The following SHC4 variants were observed in gnomAD, a reference collection of about 807,000 sequenced individuals.
SHC4 encodes SHC adaptor protein 4, also known as SHC-transforming protein 4.
Under a neutral mutation model 69.4 loss-of-function variants are expected in SHC4, and 41 were observed. The ratio of observed to expected loss-of-function variants is 0.59; its 90% confidence interval spans 0.46 to 0.77. SHC4 has a LOEUF of 0.77. SHC4 is among the 30% of genes least tolerant of loss of function. The pLI is 0.00. For missense variants in SHC4, 777 were observed against 783.8 expected (o/e 0.99, Z 0.10); for synonymous variants, 318 against 299.3 (o/e 1.06, Z -0.64).
Position 48,825,733 on chromosome 15 carries a change from G to T in SHC4, c.*238C>A. ...TATGGCCTTAAAAAGTGACATCCGTGCATACATATAATTTCTTTTAAAATG... is the reference window on the plus strand; with the variant it reads ...TATGGCCTTAAAAAGTGACATCCGTTCATACATATAATTTCTTTTAAAATG... On this transcript the variant is annotated 3_prime_UTR_variant, in exon 12 of 12. Coordinates refer to ENST00000332408, the MANE Select transcript of SHC4 (RefSeq NM_203349.4). 2.2e-6 allele frequency: 1 copy of T among 447,126 alleles called. No homozygotes were observed. The highest frequency in any genetic ancestry group is 3.9e-6 in the Non-Finnish European group (1 of 255,718). The allele number at this position is 447,126 out of a possible 1,614,324, so 27.7% of individuals were successfully genotyped here.
intron 1 of SHC4, among the ~76,000 whole-genome samples, chr15:48,958,387 A>C (rs1901488160): frequency 6.6e-6 from 1 of 152,140 alleles, no homozygotes; most frequent in Non-Finnish European, 1.5e-5. Flanking sequence ...TCAGTCTGCT[A>C]CTTACTAGTT....
intron 2 of SHC4, among the ~76,000 whole-genome samples, chr15:48,897,956 C>G (rs570958022): frequency 6.6e-6 from 1 of 152,298 alleles, no homozygotes; most frequent in South Asian, 2.1e-4. Context: ...CTTTGCATCT[C>G]CAACGTAAGT....
At chr15:48,875,628 C>T (rs1349887659) in intron 4 of SHC4, among the ~76,000 whole-genome samples, 1 of 152,182 alleles carries the variant, frequency 6.6e-6, no homozygotes, top group Non-Finnish European at 1.5e-5. Flanking sequence ...TGAGGATATG[C>T]TATATGCACT....
chr15:48,904,427 G>T (rs1201593167), intron 2 of SHC4, among the ~76,000 whole-genome samples: 3 of 152,172 alleles, frequency 2.0e-5, no homozygotes, highest in South Asian at 2.1e-4. Context: ...GCTAATAGAT[G>T]AAACCATGTT....
intron 6 of SHC4, among the ~76,000 whole-genome samples, chr15:48,861,154 G>A (rs1899432868): frequency 6.6e-6 from 1 of 152,132 alleles, no homozygotes; most frequent in Non-Finnish European, 1.5e-5. Context: ...ATAGAGACAG[G>A]TGTCTCACTA....
At chr15:48,873,602 G>A (rs1450568203) in intron 4 of SHC4, among the ~76,000 whole-genome samples, 1 of 152,124 alleles carries the variant, frequency 6.6e-6, no homozygotes, top group Admixed American at 6.6e-5. Context: ...AAATTAGCTG[G>A]GCGTGGTGGG....
chr15:48,898,900 A>G (rs1279768261), intron 2 of SHC4, among the ~76,000 whole-genome samples: 6 of 152,182 alleles, frequency 3.9e-5, no homozygotes, highest in Non-Finnish European at 7.4e-5. Flanking sequence ...AATTCAAAAG[A>G]TTGTTCTCCT....
intron 4 of SHC4, chr15:48,878,804 G>A: frequency 6.8e-7 from 1 of 1,469,192 alleles, no homozygotes; most frequent in Admixed American, 2.3e-5. Flanking sequence ...CTATCTTTTG[G>A]GTTCATTCCA....
At chr15:48,947,569 A>T (rs991666089) in intron 1 of SHC4, among the ~76,000 whole-genome samples, 1 of 152,226 alleles carries the variant, frequency 6.6e-6, no homozygotes, top group African/African-American at 2.4e-5. Flanking sequence ...TATTTAAAAA[A>T]TACAAGTGAG....
At chr15:48,835,170 T>C (rs1898877379) in intron 10 of SHC4, 148 bp from the exon 11 acceptor site, 1 of 1,080,994 alleles carries the variant, frequency 9.3e-7, no homozygotes, top group Admixed American at 2.9e-5. Context: ...AATGAGGTTT[T>C]TGTTTTCAGA....
At chr15:48,937,257 C>G (rs944007715) in intron 1 of SHC4, among the ~76,000 whole-genome samples, 5 of 152,034 alleles carry the variant, frequency 3.3e-5, no homozygotes, top group Non-Finnish European at 7.4e-5. Flanking sequence ...GAGATGGGGT[C>G]TCATTATGTT....
intron 1 of SHC4, among the ~76,000 whole-genome samples, chr15:48,955,803 G>C (rs1482104273): frequency 6.6e-6 from 1 of 152,220 alleles, no homozygotes; most frequent in Admixed American, 6.5e-5. Flanking sequence ...TTCAGGAAGT[G>C]GGGGAAGATG....
Position 48,856,002 on chromosome 15 carries a change from G to C in SHC4, c.1193C>G (p.Thr398Arg). Reference protein sequence around the residue: ...VSDMRIKVQATEQMAYCPIQC... With the variant: ...VSDMRIKVQAREQMAYCPIQC... ...TATGGGGCAGTAAGCCATTTGTTCC[G>C]TGGCTTGAACTTTGATCCGCATATC... The change falls in exon 8 of 12, where the codon ACG (threonine) becomes AGG (arginine). Residue 398 changes from threonine to arginine, a missense_variant. Transcript: ENST00000332408. 1.2e-6 allele frequency: 2 copies of C among 1,613,788 alleles called. No homozygotes were observed. Among genetic ancestry groups the C allele is most frequent in the Non-Finnish European group, 8.5e-7 (1 of 1,179,822 alleles).
chr15:48,855,690 G>A (rs1366155989), intron 8 of SHC4, among the ~76,000 whole-genome samples: 1 of 152,092 alleles, frequency 6.6e-6, no homozygotes, highest in East Asian at 1.9e-4. Context: ...GAGCTGTGGA[G>A]GGGTGAAGCT....
chr15:48,883,266 A>G (rs1899976702), intron 4 of SHC4, among the ~76,000 whole-genome samples: 1 of 152,166 alleles, frequency 6.6e-6, no homozygotes, highest in South Asian at 2.1e-4. Flanking sequence ...AAACAGCCCT[A>G]TGAGACACTT....
At chr15:48,879,693 C>T (rs1252247316) in intron 4 of SHC4, 1 of 167,082 alleles carries the variant, frequency 6.0e-6, no homozygotes, top group Non-Finnish European at 1.5e-5. Context: ...AGGTTTTAAA[C>T]CTGCCCAGAA....
intron 2 of SHC4, among the ~76,000 whole-genome samples, chr15:48,903,998 T>C (rs1042844010): frequency 6.6e-6 from 1 of 152,192 alleles, no homozygotes; most frequent in Non-Finnish European, 1.5e-5. Flanking sequence ...ACATTTTTTT[T>C]CTCCTTAGAA....
chr15:48,903,403 A>T (rs1900349841), intron 2 of SHC4, among the ~76,000 whole-genome samples: 1 of 151,914 alleles, frequency 6.6e-6, no homozygotes. Flanking sequence ...GAATTATATC[A>T]TTTTTTTTCT....
At chr15:48,958,110 A>T (rs1901484338) in intron 1 of SHC4, among the ~76,000 whole-genome samples, 1 of 152,230 alleles carries the variant, frequency 6.6e-6, no homozygotes, top group South Asian at 2.1e-4. Flanking sequence ...AGTTTGTGGG[A>T]CTTGTTACAG....
Sources: allele counts gnomAD v4.1 joint callset (sites outside exome capture counted in the v4.1 genomes callset), GRCh38; gene constraint gnomAD v4.1.1; transcripts MANE v1.5; gene names NCBI Gene and HGNC (gene_info 2026-07-23, HGNC 2026-07-21).